Variants in UGGT2 observed in about 807,000 individuals in gnomAD.
UGGT2 encodes the protein UDP-glucose:glycoprotein glucosyltransferase 2.
In UGGT2, 180 loss-of-function variants were observed where a neutral mutation model predicts 192.1. The observed-to-expected ratio is 0.94, with a 90% CI of 0.83 to 1.06. UGGT2 has a LOEUF of 1.06. Among genes scored for constraint, UGGT2 ranks in the 50% least tolerant of loss-of-function variants. The probability of loss-of-function intolerance (pLI) is 0.00; values close to 1 mark genes in which losing one functional copy is unlikely to be tolerated. For missense variants in UGGT2, 1,849 were observed against 1,795.7 expected, an observed-to-expected ratio of 1.03 and a Z score of -0.54; for synonymous variants, 580 against 591.0, an observed-to-expected ratio of 0.98 and a Z score of 0.27.
intron 37 of UGGT2, among the ~76,000 whole-genome samples, chr13:95,833,559 G>A (rs1325653428): frequency 6.6e-6 from 1 of 152,078 alleles, no homozygotes; most frequent in Non-Finnish European, 1.5e-5. Context: ...AAATCTCTAA[G>A]GTTCCATCAA....
At chr13:95,913,216 ACAAAAGCC>A (rs1291670255) in intron 20 of UGGT2, among the ~76,000 whole-genome samples, 4 of 152,224 alleles carry the variant, frequency 2.6e-5, no homozygotes, top group African/African-American at 9.6e-5. Context: ...AGCAATGGCA[ACAAAAGCC>A]AAAATTGACA....
intron 38 of UGGT2, among the ~76,000 whole-genome samples, chr13:95,830,291 A>G (rs372959229): frequency 3.9e-5 from 6 of 152,310 alleles, no homozygotes; most frequent in Admixed American, 2.0e-4. Flanking sequence ...GGAACTAACT[A>G]AACTAAAGCG....
intron 1 of UGGT2, among the ~76,000 whole-genome samples, chr13:96,032,181 T>A (rs915375289): frequency 1.3e-5 from 2 of 152,178 alleles, no homozygotes; most frequent in Non-Finnish European, 2.9e-5. Flanking sequence ...TATAAACATA[T>A]AATCATGTCA....
chr13:95,897,817 T>G (rs1005775326), intron 22 of UGGT2, among the ~76,000 whole-genome samples: 1 of 152,094 alleles, frequency 6.6e-6, no homozygotes, highest in Non-Finnish European at 1.5e-5. Context: ...ACAGAAAAAA[T>G]CAACATAATT....
chr13:95,987,903 G>T (rs1021566976), intron 8 of UGGT2, among the ~76,000 whole-genome samples: 2 of 152,080 alleles, frequency 1.3e-5, no homozygotes, highest in African/African-American at 4.8e-5. Flanking sequence ...GCATCAATAA[G>T]CTCCCTTGCC....
intron 36 of UGGT2, among the ~76,000 whole-genome samples, chr13:95,849,839 TTTTTATATATTAATTTATAC>T (rs1285441714): frequency 6.7e-6 from 1 of 148,624 alleles, no homozygotes; most frequent in African/African-American, 2.4e-5. Context: ...ATATATTAAT[TTTTTATATATTAATTTATAC>T]TTTTATATAT....
intron 24 of UGGT2, 32 bp from the exon 25 acceptor site, chr13:95,890,996 C>T (rs369356120): frequency 1.3e-5 from 20 of 1,485,960 alleles, no homozygotes; most frequent in African/African-American, 9.7e-5. Flanking sequence ...TGAAAGATGA[C>T]GTGTTAAGTT....
At chr13:95,862,408 T>C (rs1287469603) in intron 31 of UGGT2, among the ~76,000 whole-genome samples, 1 of 152,212 alleles carries the variant, frequency 6.6e-6, no homozygotes, top group African/African-American at 2.4e-5. Context: ...CAAAGTTCTT[T>C]ACAATGTGCA....
intron 10 of UGGT2, among the ~76,000 whole-genome samples, chr13:95,977,091 A>G (rs1437184543): frequency 6.6e-6 from 1 of 152,222 alleles, no homozygotes; most frequent in Non-Finnish European, 1.5e-5. Context: ...TAAAACCATA[A>G]AAATCCTAGA....
intron 20 of UGGT2, among the ~76,000 whole-genome samples, chr13:95,921,571 A>C (rs1234152988): frequency 6.6e-6 from 1 of 152,082 alleles, no homozygotes; most frequent in Non-Finnish European, 1.5e-5. Flanking sequence ...AACACAGAAA[A>C]ATCTTCCATA....
intron 15 of UGGT2, among the ~76,000 whole-genome samples, chr13:95,940,875 A>G (rs1330557): frequency 0.86 from 131,422 of 152,234 alleles, 56,988 homozygotes; most frequent in East Asian, 0.93. Context: ...CTACAGGCAT[A>G]AGCCACCATG....
chr13:95,852,933 C>T (rs1889194057), intron 36 of UGGT2, among the ~76,000 whole-genome samples: 1 of 152,054 alleles, frequency 6.6e-6, no homozygotes, highest in African/African-American at 2.4e-5. Context: ...GGCTGTGTCC[C>T]CACCTAAATC....
At chr13:96,044,060 A>G (rs1473868617) in intron 1 of UGGT2, among the ~76,000 whole-genome samples, 1 of 152,218 alleles carries the variant, frequency 6.6e-6, no homozygotes, top group African/African-American at 2.4e-5. Flanking sequence ...CACAGAATAT[A>G]CATTCTATTC....
rs779649110 is a variant in UGGT2, at chr13:95,856,142, T to G, written c.4008+16A>C. On this transcript the variant is annotated intron_variant, in intron 34 of 38. Transcript: ENST00000376747. ...AATGTTTGCGTATTACTAAAAATAG[T>G]AGTTAACCTTATTACCTGGTCAGCA... 1 of 1,587,780 alleles carries G rather than the reference T, an allele frequency of 6.3e-7. No individual in the cohort carries two copies. Among genetic ancestry groups the G allele is most frequent in the African/African-American group, 1.4e-5 (1 of 73,242 alleles).
intron 15 of UGGT2, among the ~76,000 whole-genome samples, chr13:95,942,280 T>C (rs1274780617): frequency 7.0e-6 from 1 of 142,814 alleles, no homozygotes; most frequent in Non-Finnish European, 1.5e-5. Context: ...GTGTTGTCTG[T>C]AGGAAATGTG....
chr13:95,828,095 T>C (rs1420282027), intron 38 of UGGT2, among the ~76,000 whole-genome samples: 1 of 152,074 alleles, frequency 6.6e-6, no homozygotes, highest in Non-Finnish European at 1.5e-5. Context: ...GTTTCCTCAT[T>C]TGGCAGCCCT....
At chr13:95,921,194 G>C (rs1396443843) in intron 20 of UGGT2, among the ~76,000 whole-genome samples, 1 of 152,034 alleles carries the variant, frequency 6.6e-6, no homozygotes, top group African/African-American at 2.4e-5. Context: ...GGTCTGTTGG[G>C]GGTAGGGGGT....
intron 1 of UGGT2, among the ~76,000 whole-genome samples, chr13:96,035,297 AG>A (rs1314931824): frequency 6.6e-6 from 1 of 152,338 alleles, no homozygotes; most frequent in East Asian, 1.9e-4. Flanking sequence ...CAAACCTGAC[AG>A]AAACAAGCAA....
chr13:96,036,902 A>G (rs1485217167), intron 1 of UGGT2, among the ~76,000 whole-genome samples: 1 of 152,098 alleles, frequency 6.6e-6, no homozygotes, highest in Non-Finnish European at 1.5e-5. Flanking sequence ...CTACAGGCAC[A>G]TGCCACCATG....
Sources: allele counts gnomAD v4.1 joint callset (sites outside exome capture counted in the v4.1 genomes callset), GRCh38; gene constraint gnomAD v4.1.1; transcripts MANE v1.5; gene names NCBI Gene and HGNC (gene_info 2026-07-23, HGNC 2026-07-21).